Variants in DDHD2 observed in about 807,000 individuals in gnomAD.
DDHD2 encodes the protein triacylglycerol hydrolase DDHD2.
Under a neutral mutation model 91.2 loss-of-function variants are expected in DDHD2, and 62 were observed. The observed-to-expected ratio is 0.68, with a 90% CI of 0.55 to 0.84. The LOEUF (loss-of-function observed/expected upper bound fraction) is 0.84. DDHD2 is among the 40% of genes least tolerant of loss of function. DDHD2 has a pLI of 0.00. For synonymous variants in DDHD2, 271 were observed against 293.9 expected, an observed-to-expected ratio of 0.92 and a Z score of 0.80; for missense variants, 740 against 846.9, an observed-to-expected ratio of 0.87 and a Z score of 1.57.
intron 7 of DDHD2, among the ~76,000 whole-genome samples, chr8:38,243,808 CTT>C (rs747825792): frequency 1.9e-4 from 26 of 135,260 alleles, no homozygotes; most frequent in Admixed American, 3.7e-4. Context: ...TTTTTTTTAT[CTT>C]TTTTTTTTTT....
chr8:38,258,856 T>C (rs1806740930), intron 16 of DDHD2, among the ~76,000 whole-genome samples: 3 of 152,240 alleles, frequency 2.0e-5, no homozygotes. Flanking sequence ...AGAAGAATAA[T>C]AGAGGCTTAT....
Position 38,238,097 on chromosome 8 carries a change from G to A in DDHD2, c.510G>A (p.Val170=), listed in dbSNP as rs780976966. The change falls in exon 5 of 18, where the codon GTG becomes GTA. Residue 170 remains valine, a synonymous_variant. Transcript: ENST00000397166. ...GATCTGTTCTGTTTAAGCTTATGGTGCATTACCAGCCAGTTGCAGGGTCTG... is the reference window on the plus strand; with the variant it reads ...GATCTGTTCTGTTTAAGCTTATGGTACATTACCAGCCAGTTGCAGGGTCTG... The part of the protein sequence containing the change: ...IIILHNPKLM[V]HYQPVAGSDD... 4.3e-6 allele frequency: 7 copies of A among 1,609,746 alleles called. No individual in the cohort carries two copies. The East Asian group carries it at 6.7e-5, about 15-fold the overall frequency.
At chr8:38,244,484 C>T (rs1805472112) in intron 7 of DDHD2, among the ~76,000 whole-genome samples, 1 of 150,472 alleles carries the variant, frequency 6.6e-6, no homozygotes, top group Admixed American at 6.6e-5. Flanking sequence ...GGCTGGACTC[C>T]TGACCTCATG....
At chr8:38,270,852 C>T (rs1485167205) in intron 1 of DDHD2, 1 of 152,260 alleles carries the variant, frequency 6.6e-6, no homozygotes, top group Non-Finnish European at 1.5e-5. Context: ...TCATCCCCCT[C>T]CCGCTTCATA....
Position 38,249,698 on chromosome 8 carries a change from C to A in DDHD2, c.1249-10C>A. ...CTAGAAATAAGAAAGACTTGATTTT[C>A]TATGCCTAGGCTTTATGTACAGACC... On this transcript the variant is annotated splice_polypyrimidine_tract_variant and intron_variant, in intron 10 of 17. Coordinates refer to ENST00000397166, the MANE Select transcript of DDHD2 (RefSeq NM_015214.3). The A allele has an allele frequency of 1.3e-6, 2 of 1,587,170 alleles. No individual in the cohort carries two copies. The highest frequency in any genetic ancestry group is 1.1e-5 in the South Asian group (1 of 89,712).
chr8:38,265,316 T>C (rs1273073426), downstream of DDHD2, among the ~76,000 whole-genome samples: 1 of 151,838 alleles, frequency 6.6e-6, no homozygotes. Flanking sequence ...AACTAGTTTA[T>C]TTAAAAATTT....
chr8:38,244,548 G>A (rs1239029924), intron 7 of DDHD2, among the ~76,000 whole-genome samples: 4 of 130,524 alleles, frequency 3.1e-5, no homozygotes, highest in African/African-American at 1.2e-4. Flanking sequence ...GAGCCACTGC[G>A]CCGGCCTGAA....
intron 16 of DDHD2, among the ~76,000 whole-genome samples, chr8:38,257,270 A>G (rs1214408046): frequency 1.0e-5 from 1 of 96,170 alleles, no homozygotes; most frequent in African/African-American, 3.9e-5. Context: ...TTTTTTTGAG[A>G]AGGAGTCTCA....
At position 38,262,475 on chromosome 8, in the gene DDHD2, A is replaced by G. The variant is rs1807108350; in HGVS notation, c.*1902A>G. The G allele has an allele frequency of 6.6e-6, 1 of 152,188 alleles. No homozygotes were observed. The highest frequency in any genetic ancestry group is 1.5e-5 in the Non-Finnish European group (1 of 68,026). 9.4% of individuals were successfully genotyped at this position (152,188 alleles called of 1,614,324 possible). A position where few individuals can be genotyped will look rare whatever the true frequency, so the allele number is the denominator to read the frequency against. ...TGTCTATTCATGGTATTATAGCTGTATATTCCCAGGATGATAAGCTTGATT... is the reference window on the plus strand; with the variant it reads ...TGTCTATTCATGGTATTATAGCTGTGTATTCCCAGGATGATAAGCTTGATT... On this transcript the variant is annotated 3_prime_UTR_variant, in exon 18 of 18. Transcript: ENST00000397166.
At chr8:38,270,920 AC>A (rs1260536018) in intron 1 of DDHD2, 1 of 152,232 alleles carries the variant, frequency 6.6e-6, no homozygotes, top group African/African-American at 2.4e-5. Flanking sequence ...CCAAAACAAA[AC>A]AAAAAACAGA....
At position 38,234,517 on chromosome 8, in the gene DDHD2, G is replaced by A. The variant is rs745871510; in HGVS notation, c.344G>A (p.Trp115Ter). Reference protein sequence around the residue: ...ELASEVRRCTWFYKGDKDNKY... With the variant: ...ELASEVRRCT ...GCATCGGAAGTGAGACGATGTACGT[G>A]GTTTTACAAGGGGGACAAAGACAAT... is the stretch of plus-strand genomic sequence containing the variant. The change falls in exon 3 of 18, where the codon TGG (tryptophan) becomes TAG (stop). Residue 115 changes from tryptophan to a stop codon, truncating the protein, a stop_gained. Coordinates refer to ENST00000397166, the MANE Select transcript of DDHD2 (RefSeq NM_015214.3). LOFTEE classifies it high-confidence loss of function. 3.1e-6 allele frequency: 5 copies of A among 1,613,068 alleles called. No individual in the cohort carries two copies. In the South Asian group the frequency reaches 5.5e-5, roughly 18 times the overall value.
intron 16 of DDHD2, among the ~76,000 whole-genome samples, chr8:38,254,785 G>A (rs1806380070): frequency 6.6e-6 from 1 of 152,066 alleles, no homozygotes; most frequent in African/African-American, 2.4e-5. Flanking sequence ...CACTTTGGGA[G>A]GCCGAGGAAG....
At position 38,253,676 on chromosome 8, in the gene DDHD2, T is replaced by C. The variant is rs1251222340; in HGVS notation, c.2012T>C (p.Phe671Ser). The C allele has an allele frequency of 6.2e-7, 1 of 1,614,080 alleles. No homozygotes were observed. The highest frequency in any genetic ancestry group is 2.2e-5 in the East Asian group (1 of 44,902). The change falls in exon 16 of 18, where the codon TTT becomes TCT. Residue 671 changes from phenylalanine to serine, a missense_variant. Phe to Ser is a radical substitution (Grantham distance 155). This residue lies in a region of DDHD2 where 47 missense variants were observed against 82.6 expected (regional missense o/e 0.57). Coordinates refer to ENST00000397166, the MANE Select transcript of DDHD2 (RefSeq NM_015214.3). The stretch of plus-strand genomic sequence containing the variant: ...CTACAGGAGAAGCCTATTGAAAGTT[T>C]TAATGAGTATTTATTTGCTTTACAA... Reference protein sequence around the residue: ...YVLQEKPIESFNEYLFALQSH... With the variant: ...YVLQEKPIESSNEYLFALQSH...
At chr8:38,263,603 AG>A, downstream of DDHD2, 2 of 985,458 alleles carry the variant, frequency 2.0e-6, no homozygotes, top group Non-Finnish European at 2.4e-6. Flanking sequence ...GGCTGGACTC[AG>A]ATAAGATGCA....
At chr8:38,241,914 C>T (rs947015744) in intron 6 of DDHD2, 1 of 198,806 alleles carries the variant, frequency 5.0e-6, no homozygotes, top group African/African-American at 2.4e-5. Flanking sequence ...ATTAGCTGGG[C>T]ATGGTGGTAT....
At position 38,262,742 on chromosome 8, in the gene DDHD2, CT is replaced by C. The variant is rs1807130601; in HGVS notation, c.*2172del. 2 of 152,272 alleles carry C rather than the reference CT, an allele frequency of 1.3e-5. No homozygotes were observed. The highest frequency in any genetic ancestry group is 4.1e-4 in the South Asian group (2 of 4,824). 9.4% of individuals were successfully genotyped at this position (152,272 alleles called of 1,614,324 possible). On this transcript the variant is annotated 3_prime_UTR_variant, in exon 18 of 18. Coordinates refer to ENST00000397166, the MANE Select transcript of DDHD2 (RefSeq NM_015214.3). ...GTTTTCTACGTGATTATATTTAAAA[CT>C]TTAGTAAATACTAACATGAAACCAT...
At chr8:38,252,880 A>G (rs991010109) in intron 14 of DDHD2, 56 bp downstream of exon 14, 26 of 1,605,690 alleles carry the variant, frequency 1.6e-5, no homozygotes, top group Non-Finnish European at 2.0e-5. Context: ...TGCAAAGGGC[A>G]TCATTCACTC....
rs1275803288 is a variant in DDHD2, at chr8:38,242,237, T to C, written c.713-13T>C. 5.7e-6 allele frequency: 9 copies of C among 1,576,302 alleles called. No homozygotes were observed. In the Admixed American group the frequency reaches 1.4e-4, roughly 25 times the overall value. On this transcript the variant is annotated splice_polypyrimidine_tract_variant and intron_variant, in intron 6 of 17. Transcript: ENST00000397166. Reference sequence around the variant, plus strand: ...ACTTCATTGTTGATGCATAAGTTAATTTTCTTTTCCAGTTAATGATTTTCG... The same window carrying C: ...ACTTCATTGTTGATGCATAAGTTAACTTTCTTTTCCAGTTAATGATTTTCG...
At chr8:38,245,674 G>C in intron 7 of DDHD2, 68 bp from the exon 8 acceptor site, 1 of 1,374,158 alleles carries the variant, frequency 7.3e-7, no homozygotes, top group South Asian at 1.2e-5. Context: ...AAGCTTGAAG[G>C]CTTAAAATTG....
Sources: allele counts gnomAD v4.1 joint callset (sites outside exome capture counted in the v4.1 genomes callset), GRCh38; gene constraint gnomAD v4.1.1; regional missense constraint gnomAD v4.1.1; transcripts MANE v1.5; gene names NCBI Gene and HGNC (gene_info 2026-07-23, HGNC 2026-07-21).